The following AK3 variants were observed in gnomAD, a reference collection of about 807,000 sequenced individuals.
The protein encoded by AK3 is adenylate kinase 3.
AK3 carries 27 observed loss-of-function variants against 23.7 expected under a neutral mutation model. The ratio of observed to expected loss-of-function variants is 1.14; its 90% CI spans 0.84 to 1.57. The LOEUF is 1.57. AK3 is among the 40% of genes most tolerant of loss of function. AK3 has a pLI of 0.00. For missense variants in AK3, 406 were observed against 285.6 expected (o/e 1.42, Z -3.04); for synonymous variants, 159 against 116.0 (o/e 1.37, Z -2.38).
At chr9:4,732,523 A>C (rs767886251) in intron 1 of AK3, among the ~76,000 whole-genome samples, 1 of 152,168 alleles carries the variant, frequency 6.6e-6, no homozygotes, top group African/African-American at 2.4e-5. Context: ...CACTTCCACA[A>C]AACACAAAAG....
chr9:4,723,597 G>A (rs144568634), intron 1 of AK3, among the ~76,000 whole-genome samples: 56 of 152,080 alleles, frequency 3.7e-4, no homozygotes, highest in Non-Finnish European at 7.4e-4. Context: ...CTTCAGAACC[G>A]TAATTCCATC....
At chr9:4,716,685 T>C (rs1187539376) in intron 4 of AK3, among the ~76,000 whole-genome samples, 1 of 152,128 alleles carries the variant, frequency 6.6e-6, no homozygotes, top group East Asian at 1.9e-4. Context: ...AATCCCAATG[T>C]TTTGGGAGGC....
At chr9:4,719,416 A>C in intron 2 of AK3, 109 bp from the exon 3 acceptor site, 10 of 996,918 alleles carry the variant, frequency 1.0e-5, no homozygotes, top group Admixed American at 2.7e-5. Flanking sequence ...ATGTTGGACA[A>C]TCTGAACAAA....
intron 2 of AK3, among the ~76,000 whole-genome samples, 168 bp downstream of exon 2, chr9:4,722,338 T>A (rs775722325): frequency 6.6e-6 from 1 of 152,174 alleles, no homozygotes; most frequent in Non-Finnish European, 1.5e-5. Flanking sequence ...CTCTTTCCAT[T>A]TGGATATAGA....
rs376111896 is a variant in AK3, at chr9:4,713,160, A to G, written c.564-64T>C. The G allele has an allele frequency of 4.3e-3, 6,839 of 1,577,656 alleles. 21 individuals carry two copies. The highest frequency in any genetic ancestry group is 5.3e-3 in the Non-Finnish European group (6,212 of 1,163,322). Reference sequence around the variant, plus strand: ...CTGAGTCTTCCTAATAAGCTCTTTCAAAGCCTTTCTGTAAATAATGATATT... The same window carrying G: ...CTGAGTCTTCCTAATAAGCTCTTTCGAAGCCTTTCTGTAAATAATGATATT... On this transcript the variant is annotated intron_variant, in intron 4 of 4. Transcript: ENST00000381809.
intron 4 of AK3, among the ~76,000 whole-genome samples, chr9:4,714,104 A>ACACATATACACACCTC (rs1563781198): frequency 4.2e-3 from 6 of 1,436 alleles, no homozygotes; most frequent in Admixed American, 9.8e-3. Context: ...ATACACACCT[A>ACACATATACACACCTC]CACATATACA....
intron 1 of AK3, among the ~76,000 whole-genome samples, chr9:4,740,255 A>G (rs1437615694): frequency 6.6e-6 from 1 of 152,148 alleles, no homozygotes; most frequent in Non-Finnish European, 1.5e-5. Flanking sequence ...CATACCACAA[A>G]TTCACCCATT....
chr9:4,726,377 C>G (rs1842024363), intron 1 of AK3, among the ~76,000 whole-genome samples: 1 of 152,192 alleles, frequency 6.6e-6, no homozygotes, highest in Non-Finnish European at 1.5e-5. Context: ...AGTCTATCCT[C>G]TCAGACCCGC....
At chr9:4,731,700 T>C (rs1231920761) in intron 1 of AK3, among the ~76,000 whole-genome samples, 3 of 152,192 alleles carry the variant, frequency 2.0e-5, no homozygotes, top group South Asian at 2.1e-4. Context: ...TCTGGAGATA[T>C]GGTAAACTTT....
At chr9:4,735,853 G>A (rs1479589031) in intron 1 of AK3, among the ~76,000 whole-genome samples, 3 of 151,844 alleles carry the variant, frequency 2.0e-5, no homozygotes, top group East Asian at 1.9e-4. Context: ...AGTAGCTCAC[G>A]CCTGTAATCC....
rs1841994772 is a variant in AK3, at chr9:4,725,153, A to C, written c.152-2528T>G. ...ATTCTCCTGCCTCAGCCTCCCAAGT[A>C]GCTGGGATTACAGGTGCCCACCACC... On this transcript the variant is annotated intron_variant, in intron 1 of 4. Transcript: ENST00000381809. Among the ~76,000 whole-genome samples, 2 of 151,180 alleles carry C rather than the reference A, an allele frequency of 1.3e-5. 1 individual carries two copies. Among genetic ancestry groups the C allele is most frequent in the South Asian group, 4.2e-4 (2 of 4,786 alleles).
At position 4,738,695 on chromosome 9, in the gene AK3, A is replaced by C. The variant is rs565993286; in HGVS notation, c.151+2242T>G. ...GCAAGGCAGAATTATGAGGGATCTT[A>C]ATTTACCTTTTTTACATTTGCATGA... On this transcript the variant is annotated intron_variant, in intron 1 of 4. Transcript: ENST00000381809. 1.8e-4 allele frequency among the ~76,000 whole-genome samples: 28 copies of C among 151,382 alleles called. No homozygotes were observed. The South Asian group carries it at 5.6e-3, about 30-fold the overall frequency.
chr9:4,720,840 A>G (rs1421405495), intron 2 of AK3, among the ~76,000 whole-genome samples: 1 of 152,260 alleles, frequency 6.6e-6, no homozygotes, highest in African/African-American at 2.4e-5. Context: ...AATGACAATG[A>G]TAACGACTAA....
intron 1 of AK3, among the ~76,000 whole-genome samples, chr9:4,736,620 TC>T (rs1451687470): frequency 6.6e-6 from 1 of 151,786 alleles, no homozygotes; most frequent in East Asian, 1.9e-4. Flanking sequence ...TACATTCATC[TC>T]CCCCATCATA....
intron 1 of AK3, among the ~76,000 whole-genome samples, chr9:4,723,457 T>C (rs772372092): frequency 7.9e-5 from 12 of 152,234 alleles, no homozygotes; most frequent in African/African-American, 1.9e-4. Context: ...GATTATGTTA[T>C]ATTTTTATTA....
intron 4 of AK3, among the ~76,000 whole-genome samples, chr9:4,717,224 G>A (rs915917122): frequency 6.6e-6 from 1 of 152,116 alleles, no homozygotes; most frequent in Non-Finnish European, 1.5e-5. Flanking sequence ...ATACTGTTCT[G>A]CCCTGATCAG....
chr9:4,715,410 T>TTTA (rs1841700037), intron 4 of AK3, among the ~76,000 whole-genome samples: 3 of 149,304 alleles, frequency 2.0e-5, no homozygotes, highest in African/African-American at 7.4e-5. Flanking sequence ...TTTTTTTTTT[T>TTTA]AAGACAGGGT....
intron 1 of AK3, among the ~76,000 whole-genome samples, chr9:4,728,053 C>T (rs1842058541): frequency 3.9e-5 from 6 of 152,130 alleles, no homozygotes; most frequent in Admixed American, 3.9e-4. Flanking sequence ...ATAATAGTAA[C>T]ATCAAAGATC....
At chr9:4,721,092 C>A (rs1241243961) in intron 2 of AK3, among the ~76,000 whole-genome samples, 5 of 152,128 alleles carry the variant, frequency 3.3e-5, no homozygotes, top group African/African-American at 1.2e-4. Flanking sequence ...CTGAACCATG[C>A]AACATATTTT....
Sources: gnomAD v4.1 joint callset for allele counts (sites outside exome capture counted in the v4.1 genomes callset) on GRCh38, gnomAD v4.1.1 for gene constraint, MANE v1.5 for transcripts, NCBI Gene and HGNC (gene_info 2026-07-23, HGNC 2026-07-21) for gene names.